CECR2: variants seen among roughly 807,000 people sequenced by gnomAD.
The protein encoded by CECR2 is chromatin remodeling regulator CECR2.
CECR2 carries 30 observed loss-of-function variants against 154.5 expected under a neutral mutation model. That is an observed-to-expected ratio of 0.19 (90% CI 0.15 to 0.26). The LOEUF is 0.26. CECR2 is among the 10% of genes least tolerant of loss of function. The pLI, the probability that CECR2 is intolerant of heterozygous loss-of-function variation, is 1.00. For missense variants in CECR2, 1,743 were observed against 1,829.3 expected (o/e 0.95, Z 0.86); for synonymous variants, 725 against 683.7 (o/e 1.06, Z -0.94).
chr22:17,403,889 T>C (rs2053933803), intron 1 of CECR2, among the ~76,000 whole-genome samples: 1 of 152,158 alleles, frequency 6.6e-6, no homozygotes, highest in African/African-American at 2.4e-5. Flanking sequence ...AATTTGCATA[T>C]GATATAAAGT....
At chr22:17,365,477 G>A (rs1167067189), upstream of CECR2, among the ~76,000 whole-genome samples, 6 of 152,042 alleles carry the variant, frequency 3.9e-5, no homozygotes, top group African/African-American at 1.2e-4. Flanking sequence ...GGCGGATCAC[G>A]AGGTCAGGAG....
chr22:17,509,614 A>C (rs1255215352), intron 7 of CECR2, among the ~76,000 whole-genome samples: 2 of 152,016 alleles, frequency 1.3e-5, no homozygotes, highest in Admixed American at 1.3e-4. Flanking sequence ...TTTTTTGTAG[A>C]AGTGGGGTCC....
chr22:17,498,001 G>T (rs1601461546), intron 3 of CECR2, among the ~76,000 whole-genome samples: 1 of 152,284 alleles, frequency 6.6e-6, no homozygotes, highest in East Asian at 1.9e-4. Flanking sequence ...GTTAGTGAAG[G>T]TCATCCTCTA....
chr22:17,406,305 GAA>G (rs2053982592), intron 1 of CECR2, among the ~76,000 whole-genome samples: 1 of 152,212 alleles, frequency 6.6e-6, no homozygotes, highest in Non-Finnish European at 1.5e-5. Flanking sequence ...AGGACCACCT[GAA>G]GTCAGGAGTT....
intron 1 of CECR2, among the ~76,000 whole-genome samples, chr22:17,383,095 G>A (rs1054091135): frequency 9.2e-5 from 14 of 151,952 alleles, no homozygotes; most frequent in Non-Finnish European, 2.1e-4. Flanking sequence ...GCACGGTGGC[G>A]GGCACCTGTA....
chr22:17,403,812 C>T (rs1197238883), intron 1 of CECR2, among the ~76,000 whole-genome samples: 2 of 145,542 alleles, frequency 1.4e-5, no homozygotes, highest in South Asian at 4.3e-4. Flanking sequence ...TTGTTTCTTA[C>T]ATTTTCTTCT....
At chr22:17,442,856 A>G (rs1175789298) in intron 1 of CECR2, among the ~76,000 whole-genome samples, 1 of 152,146 alleles carries the variant, frequency 6.6e-6, no homozygotes, top group African/African-American at 2.4e-5. Context: ...CAATCACTAG[A>G]TGATAGTAGT....
In CECR2 at chr22:17,542,357, TG is replaced by T. The variant is rs750221227; in HGVS notation, c.2221del (p.Ala741LeufsTer26). On this transcript the variant is annotated frameshift_variant, in exon 16 of 19. Transcript: ENST00000262608. LOFTEE classifies it high-confidence loss of function. ...AGCCAGGATTCATTCCTCCCCGGCA[TG>T]GGGGGGCTCCAGCCCGGCCACCAGA... ...FQPGFIPPRH[G>X]GAPARPPDFP... 1 of 1,613,680 alleles carries T rather than the reference TG, an allele frequency of 6.2e-7. No individual in the cohort carries two copies.
intron 1 of CECR2, 101 bp downstream of exon 1, chr22:17,370,010 G>C (rs1212990754): frequency 1.3e-5 from 2 of 151,340 alleles, no homozygotes; most frequent in Non-Finnish European, 2.9e-5. Flanking sequence ...CGGGGCCCGA[G>C]GGACTTCGGC....
intron 2 of CECR2, among the ~76,000 whole-genome samples, chr22:17,495,912 C>T (rs1259511887): frequency 6.8e-6 from 1 of 148,146 alleles, no homozygotes; most frequent in Non-Finnish European, 1.5e-5. Flanking sequence ...TGTGGTAAGA[C>T]GCACTTATAG....
chr22:17,482,001 G>A (rs2055329353), intron 2 of CECR2, among the ~76,000 whole-genome samples: 1 of 149,050 alleles, frequency 6.7e-6, no homozygotes, highest in Non-Finnish European at 1.5e-5. Context: ...TGTAGTCCCA[G>A]CTACTCGGGA....
Position 17,360,682 on chromosome 22 carries a change from A to G in CECR2, c.-364+659A>G, listed in dbSNP as rs559074067. On this transcript the variant is annotated intron_variant, in intron 1 of 18. Coordinates refer to the CECR2 transcript ENST00000400585. ...ACAAAGCTAGACTCCATCTCGGAAAAAAAAAAAAAAAATTAGTCCAAGCAT... is the reference window on the plus strand; with the variant it reads ...ACAAAGCTAGACTCCATCTCGGAAAGAAAAAAAAAAAATTAGTCCAAGCAT... Among the ~76,000 whole-genome samples the G allele has an allele frequency of 4.1e-3, 625 of 152,026 alleles. 4 individuals carry two copies. Among genetic ancestry groups the G allele is most frequent in the African/African-American group, 0.014 (582 of 41,494 alleles).
chr22:17,415,416 A>G (rs1240768120), intron 1 of CECR2, among the ~76,000 whole-genome samples: 2 of 151,942 alleles, frequency 1.3e-5, no homozygotes, highest in Admixed American at 6.5e-5. Context: ...TAATTTTTGT[A>G]TTTTTTGTAG....
At chr22:17,472,001 A>T (rs886918311) in intron 1 of CECR2, among the ~76,000 whole-genome samples, 1 of 152,184 alleles carries the variant, frequency 6.6e-6, no homozygotes, top group Non-Finnish European at 1.5e-5. Context: ...TTAGAGTTGT[A>T]GTCATATTTG....
At chr22:17,392,014 C>T (rs1244178669) in intron 1 of CECR2, among the ~76,000 whole-genome samples, 2 of 152,280 alleles carry the variant, frequency 1.3e-5, no homozygotes, top group African/African-American at 4.8e-5. Context: ...GTTAGCCAGG[C>T]TGGTCTCGAA....
chr22:17,422,270 T>C (rs1244889981), intron 1 of CECR2, among the ~76,000 whole-genome samples: 1 of 152,188 alleles, frequency 6.6e-6, no homozygotes, highest in African/African-American at 2.4e-5. Flanking sequence ...CGATCTCGGC[T>C]CACTGCAACC....
intron 9 of CECR2, among the ~76,000 whole-genome samples, chr22:17,530,222 T>TTGC (rs2056332691): frequency 6.6e-6 from 1 of 151,930 alleles, no homozygotes; most frequent in Non-Finnish European, 1.5e-5. Context: ...ACTTTTGTTG[T>TTGC]TGCTGCTGTT....
At chr22:17,402,526 T>C (rs901558080) in intron 1 of CECR2, among the ~76,000 whole-genome samples, 10 of 152,176 alleles carry the variant, frequency 6.6e-5, no homozygotes, top group Non-Finnish European at 1.2e-4. Context: ...AGTCAAACAT[T>C]ATTTATAAAA....
intron 1 of CECR2, among the ~76,000 whole-genome samples, chr22:17,438,273 C>T (rs2146657380): frequency 6.6e-6 from 1 of 152,288 alleles, no homozygotes; most frequent in Middle Eastern, 3.4e-3. Flanking sequence ...TTATTGTAGA[C>T]AAGCTGAGCC....
Sources: allele counts gnomAD v4.1 joint callset (sites outside exome capture counted in the v4.1 genomes callset), GRCh38; gene constraint gnomAD v4.1.1; transcripts MANE v1.5; gene names NCBI Gene and HGNC (gene_info 2026-07-23, HGNC 2026-07-21).